PPFIA2: variants seen among roughly 807,000 people sequenced by gnomAD.
PPFIA2 encodes the protein PPFI scaffold protein A2.
PPFIA2 carries 46 observed loss-of-function variants against 175.5 expected under a neutral mutation model. That is an observed-to-expected ratio of 0.26 (90% CI 0.21 to 0.34). PPFIA2 has a LOEUF of 0.34. PPFIA2 is among the 10% of genes least tolerant of loss of function. PPFIA2 has a pLI of 1.00. For synonymous variants in PPFIA2, 568 were observed against 511.4 expected (o/e 1.11, Z -1.49); for missense variants, 1,179 against 1,506.1 (o/e 0.78, Z 3.60).
rs1450304504 is a variant in PPFIA2 at position 81,374,748 on chromosome 12, C to T, written c.1152G>A (p.Gln384=). The T allele has an allele frequency of 1.9e-6, 3 of 1,612,764 alleles. No individual in the cohort carries two copies. The Admixed American group carries it at 5.0e-5, about 27-fold the overall frequency. The part of the protein sequence containing the change: ...ILRQMEEKNR[Q]LQERLELAEQ... ...CAGCTAGCTCAAGACGTTCTTGTAA[C>T]TGTCTGTTTTTCTCTTCCATCTGAA... is the stretch of plus-strand genomic sequence containing the variant. Residue 384 remains glutamine (Q), a synonymous_variant, in exon 11 of 33, where the codon CAG becomes CAA. Coordinates refer to ENST00000549396, the MANE Select transcript of PPFIA2 (RefSeq NM_003625.5).
intron 3 of PPFIA2, among the ~76,000 whole-genome samples, chr12:81,713,066 A>C (rs2078151610): frequency 6.6e-6 from 1 of 151,226 alleles, no homozygotes. Flanking sequence ...ATATTATGCC[A>C]AATTTTTACC....
At chr12:81,441,670 G>T (rs2050200309) in intron 6 of PPFIA2, among the ~76,000 whole-genome samples, 1 of 152,088 alleles carries the variant, frequency 6.6e-6, no homozygotes, top group South Asian at 2.1e-4. Flanking sequence ...ATATCCCGAA[G>T]CCATGAAAAT....
chr12:81,478,043 C>CT, intron 4 of PPFIA2, among the ~76,000 whole-genome samples: 1 of 151,882 alleles, frequency 6.6e-6, no homozygotes, highest in East Asian at 1.9e-4. Context: ...TTGTCCTGGG[C>CT]TTTTTTTGGT....
At chr12:81,481,092 CAAT>C (rs1191456470) in intron 4 of PPFIA2, among the ~76,000 whole-genome samples, 1 of 151,974 alleles carries the variant, frequency 6.6e-6, no homozygotes, top group Non-Finnish European at 1.5e-5. Flanking sequence ...TCCTATACAC[CAAT>C]AATAGAGAAA....
chr12:81,716,936 T>C (rs1191318774), intron 3 of PPFIA2, among the ~76,000 whole-genome samples: 1 of 151,288 alleles, frequency 6.6e-6, no homozygotes, highest in Admixed American at 6.6e-5. Flanking sequence ...TTTTTCTGAA[T>C]AGAATAAGTC....
intron 4 of PPFIA2, among the ~76,000 whole-genome samples, chr12:81,485,271 C>T (rs1175771428): frequency 6.6e-6 from 1 of 151,638 alleles, no homozygotes; most frequent in Non-Finnish European, 1.5e-5. Context: ...TAGTTGTTCT[C>T]TTATTTATAT....
intron 4 of PPFIA2, among the ~76,000 whole-genome samples, chr12:81,529,204 A>G (rs2064142466): frequency 6.6e-6 from 1 of 152,054 alleles, no homozygotes; most frequent in Non-Finnish European, 1.5e-5. Context: ...GGACTACATT[A>G]AACAAAGAAA....
chr12:81,267,069 T>TA, intron 29 of PPFIA2, 49 bp from the exon 30 acceptor site: 1 of 1,373,570 alleles, frequency 7.3e-7, no homozygotes, highest in Non-Finnish European at 1.0e-6. Context: ...CATTTTATTT[T>TA]AAAAATCAAG....
Position 81,490,852 on chromosome 12 carries a change from C to T in PPFIA2, c.304-32986G>A, listed in dbSNP as rs548941541. On this transcript the variant is annotated intron_variant, in intron 4 of 32. Coordinates refer to ENST00000549396, the MANE Select transcript of PPFIA2 (RefSeq NM_003625.5). ...CTCCTGTTTAACATCACAATGGACT[C>T]AACTTTCTTTGAAGCATACCTCGTC... is the stretch of plus-strand genomic sequence containing the variant. Among the ~76,000 whole-genome samples the T allele has an allele frequency of 2.0e-5, 3 of 152,072 alleles. No individual in the cohort carries two copies. The South Asian group carries it at 6.2e-4, about 31-fold the overall frequency.
intron 4 of PPFIA2, among the ~76,000 whole-genome samples, chr12:81,649,331 T>G (rs1419428999): frequency 2.6e-5 from 4 of 152,140 alleles, no homozygotes; most frequent in African/African-American, 7.2e-5. Context: ...TTCAATGTCA[T>G]TACTTAACAA....
At chr12:81,351,898 C>T (rs979793536) in intron 17 of PPFIA2, among the ~76,000 whole-genome samples, 1 of 151,404 alleles carries the variant, frequency 6.6e-6, no homozygotes, top group African/African-American at 2.4e-5. Flanking sequence ...AGTGTGAGAC[C>T]CTATTTAAAT....
intron 4 of PPFIA2, among the ~76,000 whole-genome samples, chr12:81,675,172 T>C (rs1281585974): frequency 1.3e-5 from 2 of 151,158 alleles, no homozygotes; most frequent in South Asian, 2.1e-4. Flanking sequence ...TAAGTATACA[T>C]ATATAGATTG....
intron 22 of PPFIA2, among the ~76,000 whole-genome samples, chr12:81,313,686 G>C (rs1294683717): frequency 1.3e-5 from 2 of 151,910 alleles, no homozygotes; most frequent in Non-Finnish European, 2.9e-5. Flanking sequence ...TGAACTCTAC[G>C]ATGAGCTCTG....
At chr12:81,322,926 G>T (rs1346155586) in intron 22 of PPFIA2, among the ~76,000 whole-genome samples, 1 of 152,012 alleles carries the variant, frequency 6.6e-6, no homozygotes, top group African/African-American at 2.4e-5. Flanking sequence ...AGAAAAAGTA[G>T]GATTAAAGTA....
intron 4 of PPFIA2, among the ~76,000 whole-genome samples, chr12:81,571,948 C>T (rs1399083697): frequency 1.3e-5 from 2 of 152,036 alleles, no homozygotes; most frequent in African/African-American, 4.8e-5. Context: ...TTGTCTAATT[C>T]CGTATCTGAG....
intron 3 of PPFIA2, among the ~76,000 whole-genome samples, chr12:81,742,878 G>C (rs948497329): frequency 1.3e-5 from 2 of 152,154 alleles, no homozygotes; most frequent in African/African-American, 2.4e-5. Flanking sequence ...TCTCAAGAAA[G>C]AAGGGGGATC....
intron 4 of PPFIA2, among the ~76,000 whole-genome samples, chr12:81,458,309 TTTG>T (rs1361179959): frequency 1.5e-4 from 22 of 151,664 alleles, no homozygotes; most frequent in Admixed American, 5.3e-4. Flanking sequence ...AACAAATTTA[TTTG>T]TTAACAAGAT....
rs139632038 is a variant in PPFIA2 at position 81,397,222 on chromosome 12, T to C, written c.762+8565A>G. Among the ~76,000 whole-genome samples, 482 of 151,964 alleles carry C rather than the reference T, an allele frequency of 3.2e-3. 3 individuals are homozygous for C. Among genetic ancestry groups the C allele is most frequent in the African/African-American group, 0.011 (468 of 41,466 alleles). On this transcript the variant is annotated intron_variant, in intron 8 of 32. Transcript: ENST00000549396. ...ATTGATTGGAATCATGGAGAGAGTG[T>C]AGGTAGAGAACATGTGGAGGGCTGA... is the stretch of plus-strand genomic sequence containing the variant.
chr12:81,717,967 C>T (rs2078857702), intron 3 of PPFIA2, among the ~76,000 whole-genome samples: 1 of 151,564 alleles, frequency 6.6e-6, no homozygotes, highest in Admixed American at 6.6e-5. Flanking sequence ...GTTAGCTGTA[C>T]TCTGAGGCAA....
Sources: gnomAD v4.1 joint callset for allele counts (sites outside exome capture counted in the v4.1 genomes callset) on GRCh38, gnomAD v4.1.1 for gene constraint, MANE v1.5 for transcripts, NCBI Gene and HGNC (gene_info 2026-07-23, HGNC 2026-07-21) for gene names.